BIRC6: variants seen among roughly 807,000 people sequenced by gnomAD.
BIRC6 encodes the protein baculoviral IAP repeat containing 6.
A neutral mutation model predicts 503.3 loss-of-function variants in BIRC6; 98 were observed. That is an observed-to-expected ratio of 0.19 (90% CI 0.17 to 0.23). BIRC6 has a LOEUF of 0.23. BIRC6 is among the 10% of genes least tolerant of loss of function. BIRC6 has a pLI of 1.00. For synonymous variants in BIRC6, 2,240 were observed against 2,078.7 expected (o/e 1.08, Z -2.11); for missense variants, 5,360 against 5,806.0 (o/e 0.92, Z 2.50).
intron 8 of BIRC6, among the ~76,000 whole-genome samples, chr2:32,405,894 A>G (rs775785498): frequency 2.2e-4 from 34 of 152,196 alleles, no homozygotes; most frequent in Non-Finnish European, 3.5e-4. Flanking sequence ...AACTGTCCTT[A>G]GTCACACAGT....
At chr2:32,610,247 T>A (rs948064754) in intron 72 of BIRC6, among the ~76,000 whole-genome samples, 4 of 152,220 alleles carry the variant, frequency 2.6e-5, no homozygotes. Context: ...CCCTGGGCAA[T>A]GCTCAACCAG....
chr2:32,377,455 C>A, intron 1 of BIRC6, 133 bp from the exon 2 acceptor site: 1 of 581,096 alleles, frequency 1.7e-6, no homozygotes, highest in African/African-American at 1.9e-5. Flanking sequence ...CAATAATGTT[C>A]TTTAGAGAAG....
chr2:32,598,306 C>T (rs1048831563), intron 69 of BIRC6, among the ~76,000 whole-genome samples: 3 of 152,056 alleles, frequency 2.0e-5, no homozygotes, highest in Non-Finnish European at 4.4e-5. Context: ...GAGCCATCAT[C>T]CTTGAGCAAA....
intron 13 of BIRC6, 31 bp downstream of exon 13, chr2:32,433,835 A>G (rs2044396881): frequency 7.0e-6 from 10 of 1,434,390 alleles, no homozygotes; most frequent in Non-Finnish European, 9.4e-6. Flanking sequence ...ATCTTTGAAG[A>G]TTTTATTTTG....
intron 65 of BIRC6, among the ~76,000 whole-genome samples, chr2:32,556,419 G>A (rs942991599): frequency 1.3e-5 from 2 of 152,056 alleles, no homozygotes; most frequent in Non-Finnish European, 2.9e-5. Context: ...AGCTGCTCAC[G>A]TACCTAATCC....
At chr2:32,528,046 C>G (rs2056423706) in intron 59 of BIRC6, 1 of 152,198 alleles carries the variant, frequency 6.6e-6, no homozygotes, top group Non-Finnish European at 1.5e-5. Context: ...CCACAAGAAC[C>G]ATTTTTAAAA....
intron 23 of BIRC6, among the ~76,000 whole-genome samples, chr2:32,462,826 C>A (rs1250476703): frequency 6.6e-6 from 1 of 151,944 alleles, no homozygotes; most frequent in Non-Finnish European, 1.5e-5. Flanking sequence ...CATGGTGGTG[C>A]ATGCCTCTAA....
At chr2:32,599,319 A>G (rs1454829215) in intron 69 of BIRC6, among the ~76,000 whole-genome samples, 1 of 140,944 alleles carries the variant, frequency 7.1e-6, no homozygotes, top group African/African-American at 2.5e-5. Flanking sequence ...ACCAAGTGAG[A>G]CTGTCTTAAA....
chr2:32,370,793 A>G (rs775288727), intron 1 of BIRC6, among the ~76,000 whole-genome samples: 8 of 152,118 alleles, frequency 5.3e-5, no homozygotes, highest in Non-Finnish European at 7.4e-5. Flanking sequence ...ATTGACTTTG[A>G]ATGATCTTTG....
chr2:32,448,470 A>G (rs2046325601), intron 21 of BIRC6, among the ~76,000 whole-genome samples: 1 of 151,882 alleles, frequency 6.6e-6, no homozygotes, highest in Non-Finnish European at 1.5e-5. Context: ...CCAACACAGC[A>G]AAACCCCGTC....
chr2:32,534,324 A>C (rs1305980079), intron 61 of BIRC6, among the ~76,000 whole-genome samples: 1 of 148,024 alleles, frequency 6.8e-6, no homozygotes, highest in East Asian at 2.1e-4. Flanking sequence ...CAGTGAGCCG[A>C]GATGGCTTCA....
chr2:32,429,430 T>C (rs1574141765), intron 11 of BIRC6, 135 bp downstream of exon 11: 1 of 655,478 alleles, frequency 1.5e-6, no homozygotes, highest in East Asian at 3.2e-5. Flanking sequence ...TCAATATTTG[T>C]GAAGTCATCT....
Position 32,488,602 on chromosome 2 carries a change from C to G in BIRC6, c.7983C>G (p.Leu2661=), listed in dbSNP as rs1457045113. The G allele has an allele frequency of 3.1e-5, 47 of 1,525,486 alleles. No individual in the cohort carries two copies. The highest frequency in any genetic ancestry group is 4.5e-5 in the Admixed American group (2 of 44,084). 94.5% of individuals were successfully genotyped at this position (1,525,486 alleles called of 1,614,324 possible). ...TTCTTTTTCAGTTGGAGTCACTTCTCCAATTGTGGCTCACACTGAGCCTGA... is the reference window on the plus strand; with the variant it reads ...TTCTTTTTCAGTTGGAGTCACTTCTGCAATTGTGGCTCACACTGAGCCTGA... ...QVHHVQLESL[L]QLWLTLSLNS... is the part of the protein sequence containing the mutation. Residue 2661 remains leucine (L), a synonymous_variant, in exon 42 of 74, where the codon CTC becomes CTG. Transcript: ENST00000421745.
At chr2:32,523,670 G>C (rs1344083388) in intron 57 of BIRC6, 1 of 152,210 alleles carries the variant, frequency 6.6e-6, no homozygotes, top group Non-Finnish European at 1.5e-5. Flanking sequence ...TAAAATGAGA[G>C]TTATTACAAA....
At chr2:32,374,977 G>T (rs2036534004) in intron 1 of BIRC6, among the ~76,000 whole-genome samples, 1 of 152,056 alleles carries the variant, frequency 6.6e-6, no homozygotes, top group South Asian at 2.1e-4. Context: ...TTACCAGATT[G>T]ACTTGTTCAG....
chr2:32,473,225 GT>G lies in BIRC6; in HGVS notation c.6708del (p.His2237IlefsTer9). The G allele has an allele frequency of 6.5e-7, 1 of 1,542,612 alleles. No individual in the cohort carries two copies. The highest frequency in any genetic ancestry group is 8.7e-7 in the Non-Finnish European group (1 of 1,143,230). ...LYSRKIRKQL[V>X]HHKQQLNLLK... is the part of the protein sequence containing the mutation. ...TTCCAGAAAAATCAGAAAGCAGCTTGTTCATCATAAACAGGTAATTGTCAAT... is the reference window on the plus strand; with the variant it reads ...TTCCAGAAAAATCAGAAAGCAGCTTGTCATCATAAACAGGTAATTGTCAAT... On this transcript the variant is annotated frameshift_variant, in exon 33 of 74. Transcript: ENST00000421745. LOFTEE classifies it high-confidence loss of function.
rs2034270918 is a variant in BIRC6, at chr2:32,362,491, T to G, written c.325+5005T>G. Among the ~76,000 whole-genome samples, 3 of 152,022 alleles carry G rather than the reference T, an allele frequency of 2.0e-5. 1 individual carries two copies. In the South Asian group the frequency reaches 6.2e-4, roughly 32 times the overall value. Reference sequence around the variant, plus strand: ...CCACCAGACCCGGCTAATTTTTTTTTGTATTTTTAGTAGAGATGGGGTTTT... The same window carrying G: ...CCACCAGACCCGGCTAATTTTTTTTGGTATTTTTAGTAGAGATGGGGTTTT... On this transcript the variant is annotated intron_variant, in intron 1 of 73. Coordinates refer to ENST00000421745, the MANE Select transcript of BIRC6 (RefSeq NM_016252.4).
intron 65 of BIRC6, among the ~76,000 whole-genome samples, chr2:32,571,371 T>A (rs926072908): frequency 3.6e-5 from 5 of 139,458 alleles, no homozygotes; most frequent in Non-Finnish European, 7.7e-5. Flanking sequence ...ATTCATGTGG[T>A]CCTGGGCTTT....
chr2:32,498,068 T>C (rs969408549), intron 45 of BIRC6, among the ~76,000 whole-genome samples: 3 of 152,206 alleles, frequency 2.0e-5, no homozygotes, highest in Admixed American at 1.3e-4. Context: ...GAATTTCTTA[T>C]TTATTTTTGA....
Sources: allele counts gnomAD v4.1 joint callset (sites outside exome capture counted in the v4.1 genomes callset), GRCh38; gene constraint gnomAD v4.1.1; transcripts MANE v1.5; gene names NCBI Gene and HGNC (gene_info 2026-07-23, HGNC 2026-07-21).